Variants in TAFA2 observed in about 807,000 individuals in gnomAD.
TAFA2 encodes TAFA chemokine like family member 2.
In TAFA2, 7 loss-of-function variants were observed where a neutral mutation model predicts 18.8. The observed-to-expected ratio is 0.37, with a 90% CI of 0.21 to 0.70. TAFA2 has a LOEUF of 0.70. Among genes scored for constraint, TAFA2 ranks in the 30% least tolerant of loss-of-function variants. The pLI is 0.53. For missense variants in TAFA2, 122 were observed against 158.1 expected (o/e 0.77, Z 1.23); for synonymous variants, 60 against 54.2 (o/e 1.11, Z -0.47).
intron 1 of TAFA2, among the ~76,000 whole-genome samples, chr12:61,987,470 A>G (rs1048379743): frequency 6.6e-6 from 1 of 152,192 alleles, no homozygotes; most frequent in African/African-American, 2.4e-5. Flanking sequence ...CCACAGCCGG[A>G]GTAACATGTA....
chr12:61,791,467 T>C (rs1005386575), intron 2 of TAFA2, among the ~76,000 whole-genome samples: 1 of 151,724 alleles, frequency 6.6e-6, no homozygotes, highest in African/African-American at 2.4e-5. Flanking sequence ...TACTTGCAAC[T>C]ATACATCTGA....
chr12:61,978,523 T>C (rs1879516164), intron 1 of TAFA2, among the ~76,000 whole-genome samples: 1 of 151,880 alleles, frequency 6.6e-6, no homozygotes, highest in Admixed American at 6.6e-5. Context: ...CAGACAGAAG[T>C]ACCACGGGGG....
chr12:62,171,193 CAATT>C (rs2062475787), intron 1 of TAFA2, among the ~76,000 whole-genome samples: 1 of 152,110 alleles, frequency 6.6e-6, no homozygotes, highest in South Asian at 2.1e-4. Flanking sequence ...CATCACCTCT[CAATT>C]AATAAGTAAC....
intron 1 of TAFA2, among the ~76,000 whole-genome samples, chr12:62,080,297 C>T (rs192341069): frequency 1.6e-4 from 24 of 152,306 alleles, no homozygotes; most frequent in African/African-American, 5.5e-4. Context: ...TTACCTGATT[C>T]GGTCAGGCTT....
intron 4 of TAFA2, among the ~76,000 whole-genome samples, chr12:61,724,935 A>C (rs985322631): frequency 7.0e-6 from 1 of 143,622 alleles, no homozygotes; most frequent in African/African-American, 2.6e-5. Flanking sequence ...CATTCCCCCC[A>C]GCAGTGTAAG....
At chr12:62,222,090 G>A (rs1029913044) in intron 1 of TAFA2, among the ~76,000 whole-genome samples, 3 of 152,042 alleles carry the variant, frequency 2.0e-5, no homozygotes, top group South Asian at 2.1e-4. Context: ...TTAGGAAGTC[G>A]GTCTGTTTCT....
intron 1 of TAFA2, among the ~76,000 whole-genome samples, chr12:62,068,931 G>A (rs532215216): frequency 2.6e-5 from 4 of 152,250 alleles, no homozygotes; most frequent in South Asian, 4.1e-4. Flanking sequence ...ATAGAAAGAT[G>A]TGACTCCTAA....
intron 1 of TAFA2, among the ~76,000 whole-genome samples, chr12:62,087,953 A>G (rs1250919546): frequency 6.6e-6 from 1 of 152,148 alleles, no homozygotes; most frequent in Non-Finnish European, 1.5e-5. Context: ...GGGTAATCAT[A>G]CATTCCCTGT....
At chr12:61,773,519 A>G (rs556967873) in intron 2 of TAFA2, among the ~76,000 whole-genome samples, 2 of 152,108 alleles carry the variant, frequency 1.3e-5, no homozygotes, top group East Asian at 3.9e-4. Flanking sequence ...ACATAGACCA[A>G]TGGAACATAA....
At chr12:61,933,177 G>T (rs1877632451) in intron 1 of TAFA2, among the ~76,000 whole-genome samples, 1 of 152,158 alleles carries the variant, frequency 6.6e-6, no homozygotes, top group Admixed American at 6.5e-5. Flanking sequence ...CTCATTTCTA[G>T]ATTTATTTCT....
At position 62,221,216 on chromosome 12, in the gene TAFA2, G is replaced by GGGAAGGAAGGAAGGAAGGAA. The variant is rs371693194; in HGVS notation, c.-130+37527_-130+37546dup. Among the ~76,000 whole-genome samples, 195 of 78,844 alleles carry GGGAAGGAAGGAAGGAAGGAA rather than the reference G, an allele frequency of 2.5e-3. 1 individual carries two copies. Among genetic ancestry groups the GGGAAGGAAGGAAGGAAGGAA allele is most frequent in the African/African-American group, 7.5e-3 (159 of 21,126 alleles). 51.7% of individuals were successfully genotyped at this position (78,844 alleles called of 152,430 possible). On this transcript the variant is annotated intron_variant, in intron 1 of 5. Coordinates refer to the TAFA2 transcript ENST00000551619. ...AAGGAAGGAGGGAAGGAAGGAAGGG[G>GGGAAGGAAGGAAGGAAGGAA]GGAAGGAAGGAAGGAAGGAAGGAAG...
At chr12:61,842,216 G>T (rs1027687788) in intron 2 of TAFA2, among the ~76,000 whole-genome samples, 1 of 151,674 alleles carries the variant, frequency 6.6e-6, no homozygotes, top group Non-Finnish European at 1.5e-5. Flanking sequence ...AGAAAGAAGA[G>T]AACAAAAATA....
At chr12:62,138,551 T>G (rs2062215919) in intron 1 of TAFA2, among the ~76,000 whole-genome samples, 1 of 152,188 alleles carries the variant, frequency 6.6e-6, no homozygotes. Flanking sequence ...GATGAATGAA[T>G]AAGTAAATAA....
At chr12:62,083,780 T>G in intron 1 of TAFA2, among the ~76,000 whole-genome samples, 1 of 152,204 alleles carries the variant, frequency 6.6e-6, no homozygotes, top group East Asian at 1.9e-4. Context: ...AGGAGTATCT[T>G]TAGTGTATTG....
chr12:62,035,722 A>T (rs2136752126), intron 1 of TAFA2, among the ~76,000 whole-genome samples: 1 of 143,828 alleles, frequency 7.0e-6, no homozygotes, highest in South Asian at 2.2e-4. Flanking sequence ...GCTAGGGGTC[A>T]ATGATTCTTT....
At chr12:61,776,859 A>G (rs1870284375) in intron 2 of TAFA2, among the ~76,000 whole-genome samples, 1 of 151,918 alleles carries the variant, frequency 6.6e-6, no homozygotes, top group South Asian at 2.1e-4. Flanking sequence ...AATAAGTAAT[A>G]TCTCTTAAAT....
At chr12:62,057,364 C>A (rs995315859) in intron 1 of TAFA2, among the ~76,000 whole-genome samples, 1 of 151,926 alleles carries the variant, frequency 6.6e-6, no homozygotes, top group Non-Finnish European at 1.5e-5. Context: ...TTCTTCTGAT[C>A]CATCTCACAA....
Position 61,986,600 on chromosome 12 carries a change from A to G in TAFA2, c.-1-119174T>C, listed in dbSNP as rs557369339. Among the ~76,000 whole-genome samples, 120 of 152,182 alleles carry G rather than the reference A, an allele frequency of 7.9e-4. 3 individuals are homozygous for G. The highest frequency in any genetic ancestry group is 6.8e-3 in the Middle Eastern group (2 of 294). On this transcript the variant is annotated intron_variant, in intron 1 of 4. Coordinates refer to ENST00000416284, the MANE Select transcript of TAFA2 (RefSeq NM_178539.5). Reference sequence around the variant, plus strand: ...AGGCATGAGCCACCACACCCGGTCCAAACGATCTAAGTTCTAAGAAAAAGT... The same window carrying G: ...AGGCATGAGCCACCACACCCGGTCCGAACGATCTAAGTTCTAAGAAAAAGT...
intron 1 of TAFA2, among the ~76,000 whole-genome samples, chr12:61,886,371 C>A (rs991479128): frequency 6.6e-6 from 1 of 152,100 alleles, no homozygotes; most frequent in Non-Finnish European, 1.5e-5. Flanking sequence ...GCTACCACCC[C>A]CCTGCCCCCA....
Sources: allele counts gnomAD v4.1 joint callset (sites outside exome capture counted in the v4.1 genomes callset), GRCh38; gene constraint gnomAD v4.1.1; transcripts MANE v1.5; gene names NCBI Gene and HGNC (gene_info 2026-07-23, HGNC 2026-07-21).